The following PCDH7 variants were observed in gnomAD, a reference collection of about 807,000 sequenced individuals.
The protein encoded by PCDH7 is protocadherin-7.
In PCDH7, 17 loss-of-function variants were observed where a neutral mutation model predicts 58.9. The ratio of observed to expected loss-of-function variants is 0.29; its 90% CI spans 0.20 to 0.43. The LOEUF (loss-of-function observed/expected upper bound fraction) is 0.43, where lower values mean the gene tolerates loss of function less well. PCDH7 is among the 20% of genes least tolerant of loss of function. The probability of loss-of-function intolerance (pLI) is 1.00; values close to 1 mark genes in which losing one functional copy is unlikely to be tolerated. For synonymous variants in PCDH7, 664 were observed against 616.4 expected (o/e 1.08, Z -1.14); for missense variants, 1,274 against 1,441.0 (o/e 0.88, Z 1.88).
intron 3 of PCDH7, among the ~76,000 whole-genome samples, chr4:31,097,329 C>A (rs1006982024): frequency 5.3e-5 from 8 of 151,440 alleles, no homozygotes; most frequent in Non-Finnish European, 8.8e-5. Context: ...TGGCACACAC[C>A]TGTAATCCCA....
chr4:31,102,192 T>C (rs74621051), intron 3 of PCDH7, among the ~76,000 whole-genome samples: 9 of 143,068 alleles, frequency 6.3e-5, no homozygotes, highest in Non-Finnish European at 1.4e-4. Flanking sequence ...ATTATGATCC[T>C]TTTTTTTTTT....
intron 1 of PCDH7, among the ~76,000 whole-genome samples, chr4:30,840,002 ATTAGTGC>A (rs1449592119): frequency 6.6e-6 from 1 of 151,070 alleles, no homozygotes; most frequent in African/African-American, 2.5e-5. Context: ...TAAGCAAATG[ATTAGTGC>A]GACAGTAGCA....
chr4:31,056,492 A>AGAAAGAAAGAAAGAAG (rs1560608763), intron 3 of PCDH7, among the ~76,000 whole-genome samples: 28 of 136,134 alleles, frequency 2.1e-4, no homozygotes, highest in Admixed American at 1.2e-3. Flanking sequence ...AAAGAAAGAA[A>AGAAAGAAAGAAAGAAG]GAAAGAAAGA....
intron 1 of PCDH7, among the ~76,000 whole-genome samples, chr4:30,890,821 A>G (rs1392019267): frequency 6.6e-6 from 1 of 152,170 alleles, no homozygotes; most frequent in Non-Finnish European, 1.5e-5. Context: ...GTAGTAAATT[A>G]TATCAGTAAT....
At chr4:31,008,315 G>T (rs1752936517) in intron 3 of PCDH7, among the ~76,000 whole-genome samples, 1 of 152,062 alleles carries the variant, frequency 6.6e-6, no homozygotes, top group African/African-American at 2.4e-5. Flanking sequence ...AGCTTTTGGG[G>T]AAAAATATAC....
At chr4:31,016,897 G>T (rs1167976718) in intron 3 of PCDH7, among the ~76,000 whole-genome samples, 1 of 147,602 alleles carries the variant, frequency 6.8e-6, no homozygotes, top group African/African-American at 2.5e-5. Context: ...GTGTGTGCTG[G>T]GTGTGTGTGT....
intron 2 of PCDH7, among the ~76,000 whole-genome samples, chr4:30,940,064 G>A (rs973184072): frequency 1.7e-4 from 26 of 151,284 alleles, no homozygotes; most frequent in African/African-American, 5.8e-4. Context: ...GATTACCCCA[G>A]ATTGAAGAGT....
chr4:31,000,059 T>G (rs550718453), intron 3 of PCDH7, among the ~76,000 whole-genome samples: 12 of 152,116 alleles, frequency 7.9e-5, no homozygotes, highest in Non-Finnish European at 1.8e-4. Flanking sequence ...TATATGCTCA[T>G]TTATGTGGCA....
At chr4:31,095,596 T>C (rs1174353690) in intron 3 of PCDH7, among the ~76,000 whole-genome samples, 1 of 152,166 alleles carries the variant, frequency 6.6e-6, no homozygotes, top group East Asian at 1.9e-4. Flanking sequence ...AGATATTTAT[T>C]CAAAAATTTA....
chr4:30,743,878 A>G lies in PCDH7; in HGVS notation c.70+19282A>G, dbSNP rs534543253. 3.2e-4 allele frequency among the ~76,000 whole-genome samples: 49 copies of G among 152,286 alleles called. 1 individual carries two copies. Among genetic ancestry groups the G allele is most frequent in the African/African-American group, 1.2e-3 (48 of 41,576 alleles). On this transcript the variant is annotated intron_variant, in intron 1 of 3. Coordinates refer to the PCDH7 transcript ENST00000509759. ...ATTGGCGTTTTTGAAAGCTGCTTTC[A>G]GAATAAGTATTATTAACTATCTCAC...
intron 1 of PCDH7, among the ~76,000 whole-genome samples, chr4:30,885,901 G>A (rs944066387): frequency 6.6e-6 from 1 of 152,146 alleles, no homozygotes; most frequent in African/African-American, 2.4e-5. Flanking sequence ...AGTGGTGCTG[G>A]GAAAACTGGC....
At chr4:31,069,856 A>G (rs1231023321) in intron 3 of PCDH7, among the ~76,000 whole-genome samples, 2 of 89,342 alleles carry the variant, frequency 2.2e-5, no homozygotes, top group African/African-American at 8.4e-5. Context: ...ATATAAATTA[A>G]TCTCAAATTT....
intron 1 of PCDH7, among the ~76,000 whole-genome samples, chr4:30,772,821 G>A (rs1001150364): frequency 6.6e-6 from 1 of 152,190 alleles, no homozygotes; most frequent in African/African-American, 2.4e-5. Flanking sequence ...TTTTTAGAAA[G>A]TGTTTTTACA....
chr4:30,815,793 C>T (rs749145171), intron 1 of PCDH7, among the ~76,000 whole-genome samples: 1 of 152,188 alleles, frequency 6.6e-6, no homozygotes, highest in Non-Finnish European at 1.5e-5. Context: ...CTATTGGGAA[C>T]CTGCGTTTCA....
chr4:31,025,911 T>C (rs1754385569), intron 3 of PCDH7, among the ~76,000 whole-genome samples: 1 of 152,200 alleles, frequency 6.6e-6, no homozygotes, highest in Admixed American at 6.5e-5. Flanking sequence ...TTCCAGGACA[T>C]ACAGACTAAA....
intron 2 of PCDH7, among the ~76,000 whole-genome samples, chr4:30,930,625 G>C (rs1249769820): frequency 1.3e-5 from 2 of 152,124 alleles, no homozygotes. Context: ...GAATGTGACT[G>C]TGAAATATAT....
At chr4:30,970,734 A>T (rs369833097) in intron 3 of PCDH7, among the ~76,000 whole-genome samples, 154 of 152,288 alleles carry the variant, frequency 1.0e-3, no homozygotes, top group African/African-American at 3.6e-3. Context: ...TACATCACTA[A>T]TTGTTAACTA....
intron 1 of PCDH7, among the ~76,000 whole-genome samples, chr4:30,905,467 AAAC>A (rs543854279): frequency 0.08 from 7,097 of 88,290 alleles, 398 homozygotes; most frequent in African/African-American, 0.24. Context: ...AGAAAATGAA[AAAC>A]AAAAAAAAAC....
chr4:30,828,592 T>C (rs1487707725), intron 1 of PCDH7, among the ~76,000 whole-genome samples: 1 of 152,046 alleles, frequency 6.6e-6, no homozygotes, highest in African/African-American at 2.4e-5. Flanking sequence ...AAAAATGTGG[T>C]TTGTAAACCT....
Sources: gnomAD v4.1 joint callset for allele counts (sites outside exome capture counted in the v4.1 genomes callset) on GRCh38, gnomAD v4.1.1 for gene constraint, MANE v1.5 for transcripts, NCBI Gene and HGNC (gene_info 2026-07-23, HGNC 2026-07-21) for gene names.